TRHDE: variants seen among roughly 807,000 people sequenced by gnomAD.
TRHDE encodes thyrotropin releasing hormone degrading enzyme.
Under a neutral mutation model 125.7 loss-of-function variants are expected in TRHDE, and 72 were observed. That is an observed-to-expected ratio of 0.57 (90% CI 0.47 to 0.70). TRHDE has a LOEUF of 0.70. Among genes scored for constraint, TRHDE ranks in the 30% least tolerant of loss-of-function variants. TRHDE has a pLI of 0.00. For missense variants in TRHDE, 1,110 were observed against 1,327.1 expected, an observed-to-expected ratio of 0.84 and a Z score of 2.54; for synonymous variants, 509 against 509.1, an observed-to-expected ratio of 1.00 and a Z score of 0.00.
At chr12:72,607,577 G>T (rs1209914479) in intron 12 of TRHDE, among the ~76,000 whole-genome samples, 2 of 151,990 alleles carry the variant, frequency 1.3e-5, no homozygotes, top group Non-Finnish European at 2.9e-5. Flanking sequence ...CAAAACTAAT[G>T]AGCCAGTTCT....
chr12:72,380,875 C>CTTCT (rs906957255), intron 3 of TRHDE, among the ~76,000 whole-genome samples: 22 of 140,652 alleles, frequency 1.6e-4, no homozygotes, highest in Non-Finnish European at 2.3e-4. Flanking sequence ...CTCTCTCTCT[C>CTTCT]TTCTTTCTTT....
intron 6 of TRHDE, among the ~76,000 whole-genome samples, chr12:72,522,966 T>A (rs1424225237): frequency 6.6e-6 from 1 of 152,078 alleles, no homozygotes; most frequent in Non-Finnish European, 1.5e-5. Flanking sequence ...TTTTGTTTAC[T>A]TTAAGAGCTA....
intron 3 of TRHDE, among the ~76,000 whole-genome samples, chr12:72,468,720 C>T (rs751441658): frequency 1.8e-4 from 28 of 152,186 alleles, no homozygotes; most frequent in Non-Finnish European, 3.4e-4. Flanking sequence ...TGGCTTAGGT[C>T]CTTTTGGCTT....
chr12:72,237,182 T>C (rs1409614154), intron 2 of TRHDE, among the ~76,000 whole-genome samples: 1 of 152,192 alleles, frequency 6.6e-6, no homozygotes, highest in Non-Finnish European at 1.5e-5. Context: ...CTTTACATCA[T>C]GAAAAACAAA....
In TRHDE at chr12:72,301,046, C is replaced by T. The variant is rs188190946; in HGVS notation, c.1188+14092C>T. On this transcript the variant is annotated intron_variant, in intron 2 of 18. Coordinates refer to ENST00000261180, the MANE Select transcript of TRHDE (RefSeq NM_013381.3). ...GGACTGGCCACAGTGAAGCATTTTG[C>T]TTCCTTTCTTCCCCTGAAACTTAGT... Among the ~76,000 whole-genome samples, 177 of 152,250 alleles carry T rather than the reference C, an allele frequency of 1.2e-3. No individual in the cohort carries two copies. The Middle Eastern group carries it at 0.014, about 12-fold the overall frequency.
chr12:72,262,587 CA>C (rs1277780216), intron 2 of TRHDE: 1 of 152,118 alleles, frequency 6.6e-6, no homozygotes, highest in Non-Finnish European at 1.5e-5. Flanking sequence ...CATATAGAAA[CA>C]TGAACATTCG....
chr12:72,335,097 C>A (rs1034953874), intron 2 of TRHDE, among the ~76,000 whole-genome samples: 2 of 152,052 alleles, frequency 1.3e-5, no homozygotes, highest in Non-Finnish European at 1.5e-5. Context: ...GAACTGGAAA[C>A]TGTGTCAAGG....
chr12:72,521,967 G>A (rs766126882), intron 6 of TRHDE, among the ~76,000 whole-genome samples: 18 of 152,138 alleles, frequency 1.2e-4, no homozygotes, highest in South Asian at 2.1e-4. Context: ...AGATAGTTAC[G>A]TCTGAAATAA....
chr12:72,276,945 A>G (rs9668174), intron 1 of TRHDE, among the ~76,000 whole-genome samples: 132,996 of 152,190 alleles, frequency 0.87, 58,161 homozygotes, highest in East Asian at 0.94. Context: ...AATAATTGCC[A>G]CTTTTGGGTA....
At chr12:72,478,765 G>A (rs1877014251) in intron 5 of TRHDE, among the ~76,000 whole-genome samples, 1 of 151,908 alleles carries the variant, frequency 6.6e-6, no homozygotes, top group Non-Finnish European at 1.5e-5. Flanking sequence ...ATATGCTTGA[G>A]GAATCCTAAT....
intron 6 of TRHDE, among the ~76,000 whole-genome samples, chr12:72,526,150 T>G (rs1309421376): frequency 6.6e-6 from 1 of 152,132 alleles, no homozygotes; most frequent in African/African-American, 2.4e-5. Context: ...ACCTATAACC[T>G]TTTTCAGCAC....
At chr12:72,465,914 A>G (rs911932808) in intron 3 of TRHDE, among the ~76,000 whole-genome samples, 6 of 152,160 alleles carry the variant, frequency 3.9e-5, no homozygotes, top group Non-Finnish European at 7.3e-5. Context: ...CCTCATATTT[A>G]TTATAAAACC....
Position 72,152,987 on chromosome 12 carries a change from G to C in TRHDE, n.279+47235G>C, listed in dbSNP as rs374480228. Among the ~76,000 whole-genome samples the C allele has an allele frequency of 6.4e-4, 97 of 152,248 alleles. 1 individual carries two copies. In the East Asian group the frequency reaches 0.016, roughly 26 times the overall value. On this transcript the variant is annotated intron_variant and non_coding_transcript_variant, in intron 2 of 4. Coordinates refer to the TRHDE transcript ENST00000548156. ...GAAGGAATGGTACCAGCTCCTCCTT[G>C]TACCTCTGGTAGAATTCGGCTGTGA...
chr12:72,595,155 C>G (rs1871879297), intron 12 of TRHDE, among the ~76,000 whole-genome samples: 2 of 148,090 alleles, frequency 1.4e-5, no homozygotes, highest in African/African-American at 2.5e-5. Context: ...GGAGATATAC[C>G]TAATGCTAAA....
chr12:72,606,109 T>C (rs1270177058), intron 12 of TRHDE, among the ~76,000 whole-genome samples: 1 of 152,194 alleles, frequency 6.6e-6, no homozygotes, highest in Non-Finnish European at 1.5e-5. Context: ...ACTTCTGATT[T>C]AAACACATGA....
chr12:72,117,401 A>T (rs1056292652), intron 2 of TRHDE, among the ~76,000 whole-genome samples: 2 of 151,970 alleles, frequency 1.3e-5, no homozygotes, highest in South Asian at 2.1e-4. Context: ...GTTTGAATTT[A>T]TTTCTGGATT....
chr12:72,227,447 C>G (rs1383193818), intron 2 of TRHDE, among the ~76,000 whole-genome samples: 1 of 152,140 alleles, frequency 6.6e-6, no homozygotes, highest in Non-Finnish European at 1.5e-5. Flanking sequence ...GAAAGACTCA[C>G]CCCTGTGATT....
At chr12:72,144,206 AC>A in intron 2 of TRHDE, among the ~76,000 whole-genome samples, 1 of 152,288 alleles carries the variant, frequency 6.6e-6, no homozygotes, top group East Asian at 1.9e-4. Flanking sequence ...GAAGAGGTTG[AC>A]TTTTTAGGGG....
Position 72,510,975 on chromosome 12 carries a change from T to G in TRHDE, c.1722+11340T>G, listed in dbSNP as rs552392259. ...ATGTGAATGGTCGTTATGGGAAGGC[T>G]GCTCACCATTTCTCTGTCAACATCA... On this transcript the variant is annotated intron_variant, in intron 6 of 18. Transcript: ENST00000261180. 1.1e-4 allele frequency among the ~76,000 whole-genome samples: 16 copies of G among 152,314 alleles called. No individual in the cohort carries two copies. The South Asian group carries it at 3.3e-3, about 32-fold the overall frequency.
Sources: allele counts gnomAD v4.1 joint callset (sites outside exome capture counted in the v4.1 genomes callset), GRCh38; gene constraint gnomAD v4.1.1; transcripts MANE v1.5; gene names NCBI Gene and HGNC (gene_info 2026-07-23, HGNC 2026-07-21).